The following ARMC2 variants were observed in gnomAD, a reference collection of about 807,000 sequenced individuals.
ARMC2 encodes armadillo repeat containing 2.
Under a neutral mutation model 90.3 loss-of-function variants are expected in ARMC2, and 67 were observed. That is an observed-to-expected ratio of 0.74 (90% CI 0.61 to 0.91). ARMC2 has a LOEUF of 0.91. ARMC2 is among the 40% of genes least tolerant of loss of function. ARMC2 has a pLI of 0.00. For synonymous variants in ARMC2, 393 were observed against 393.0 expected (o/e 1.00, Z 0.00); for missense variants, 920 against 1,030.9 (o/e 0.89, Z 1.47).
the ARMC2 span, chr6:108,986,779 G>GTGTC: frequency 6.6e-6 from 1 of 152,204 alleles, no homozygotes; most frequent in African/African-American, 2.4e-5. Context: ...CTGCCCTCCA[G>GTGTC]TGTCAGGATC....
chr6:108,896,066 A>T (rs1177038584), intron 6 of ARMC2, among the ~76,000 whole-genome samples: 1 of 152,238 alleles, frequency 6.6e-6, no homozygotes, highest in Non-Finnish European at 1.5e-5. Context: ...TTTTATCAAT[A>T]AAATGACTTC....
intron 11 of ARMC2, among the ~76,000 whole-genome samples, chr6:108,935,345 T>C (rs1775870516): frequency 6.6e-6 from 1 of 152,130 alleles, no homozygotes; most frequent in Non-Finnish European, 1.5e-5. Context: ...TTTTCTTCTA[T>C]TTTAGTAAAA....
chr6:108,983,238 T>C, the ARMC2 span, among the ~76,000 whole-genome samples: 1 of 152,242 alleles, frequency 6.6e-6, no homozygotes, highest in Non-Finnish European at 1.5e-5. Context: ...GCCTTTTCAC[T>C]CTGTTGATTA....
intron 12 of ARMC2, 125 bp downstream of exon 12, chr6:108,937,124 A>G (rs1776018959): frequency 2.4e-6 from 2 of 824,332 alleles, no homozygotes; most frequent in South Asian, 3.8e-5. Flanking sequence ...TTAAATGTAT[A>G]ATGGGCTGTC....
intron 3 of ARMC2, among the ~76,000 whole-genome samples, chr6:108,859,563 C>A (rs1774999994): frequency 6.6e-6 from 1 of 152,142 alleles, no homozygotes; most frequent in Non-Finnish European, 1.5e-5. Context: ...CTATTTTTAT[C>A]AATCATGCTG....
At chr6:108,911,163 C>T (rs774468207) in intron 9 of ARMC2, among the ~76,000 whole-genome samples, 162 bp downstream of exon 9, 1 of 152,186 alleles carries the variant, frequency 6.6e-6, no homozygotes, top group Non-Finnish European at 1.5e-5. Flanking sequence ...TCTCTGTTTT[C>T]CACATTCAGT....
At chr6:108,949,119 A>G (rs1244581224) in intron 12 of ARMC2, among the ~76,000 whole-genome samples, 1 of 152,184 alleles carries the variant, frequency 6.6e-6, no homozygotes, top group Non-Finnish European at 1.5e-5. Context: ...CAAAATGCAA[A>G]TATTAATTAA....
At chr6:108,954,974 G>T (rs1372611657) in intron 13 of ARMC2, among the ~76,000 whole-genome samples, 1 of 152,202 alleles carries the variant, frequency 6.6e-6, no homozygotes, top group African/African-American at 2.4e-5. Flanking sequence ...CCTGGCATGT[G>T]GTTGATTGCC....
the ARMC2 span, among the ~76,000 whole-genome samples, chr6:108,999,671 G>T: frequency 6.6e-6 from 1 of 152,122 alleles, no homozygotes; most frequent in Non-Finnish European, 1.5e-5. Flanking sequence ...CTTCATTGCT[G>T]GTGGGAATGC....
the ARMC2 span, among the ~76,000 whole-genome samples, chr6:108,984,898 A>T: frequency 1.3e-5 from 2 of 152,100 alleles, no homozygotes; most frequent in East Asian, 3.9e-4. Flanking sequence ...TAAATGCTGC[A>T]GTTTCCCAAT....
chr6:109,020,985 C>G, the ARMC2 span, among the ~76,000 whole-genome samples: 1 of 152,158 alleles, frequency 6.6e-6, no homozygotes, highest in African/African-American at 2.4e-5. Flanking sequence ...CCTTCACCCA[C>G]CATTTTAGGA....
the ARMC2 span, among the ~76,000 whole-genome samples, chr6:109,035,763 G>A: frequency 6.6e-5 from 10 of 152,060 alleles, no homozygotes; most frequent in African/African-American, 2.4e-4. Flanking sequence ...ACCACACCCA[G>A]CTAATTTATT....
rs1777553041 is a variant in ARMC2 at position 108,881,303 on chromosome 6, TTCCTTCCTTCCTTCAC to T, written c.671+4968_671+4983del. ...CTCCCCTCCCCTCCCCTCCCCTTCC[TTCCTTCCTTCCTTCAC>T]TCCTTCCTTCCTTCCTTCCAACAGG... is the stretch of plus-strand genomic sequence containing the variant. On this transcript the variant is annotated intron_variant, in intron 5 of 17. Coordinates refer to ENST00000392644, the MANE Select transcript of ARMC2 (RefSeq NM_032131.6). 1.6e-5 allele frequency among the ~76,000 whole-genome samples: 2 copies of T among 125,784 alleles called. 1 individual carries two copies. The highest frequency in any genetic ancestry group is 1.7e-4 in the Admixed American group (2 of 11,752). The allele number at this position is 125,784 out of a possible 152,430, so 82.5% of individuals were successfully genotyped here. A position where few individuals can be genotyped will look rare whatever the true frequency, so the allele number is the denominator to read the frequency against.
chr6:108,883,956 G>A (rs1312970664), intron 5 of ARMC2, among the ~76,000 whole-genome samples: 2 of 151,468 alleles, frequency 1.3e-5, no homozygotes, highest in Non-Finnish European at 2.9e-5. Flanking sequence ...GTGGGATCCT[G>A]GATAATTTTT....
In ARMC2 at chr6:108,899,652, C is replaced by G. The variant is rs760935935; in HGVS notation, c.749-42C>G. On this transcript the variant is annotated intron_variant, in intron 6 of 17. Transcript: ENST00000392644. Reference sequence around the variant, plus strand: ...TTTTGACCATGCTTCATGACAACTCCTTTTTCATAGCTTTTTCTCCTGCTC... The same window carrying G: ...TTTTGACCATGCTTCATGACAACTCGTTTTTCATAGCTTTTTCTCCTGCTC... The G allele has an allele frequency of 2.6e-6, 4 of 1,518,094 alleles. No homozygotes were observed. In the Admixed American group the frequency reaches 5.2e-5, roughly 20 times the overall value. 94.0% of individuals were successfully genotyped at this position (1,518,094 alleles called of 1,614,324 possible).
At chr6:109,010,406 T>A in the ARMC2 span, among the ~76,000 whole-genome samples, 1 of 152,322 alleles carries the variant, frequency 6.6e-6, no homozygotes, top group Admixed American at 6.5e-5. Flanking sequence ...TTTTTGCATG[T>A]TTATGCTGTT....
At chr6:108,941,400 A>G (rs139430829) in intron 12 of ARMC2, among the ~76,000 whole-genome samples, 153 of 152,304 alleles carry the variant, frequency 1.0e-3, no homozygotes, top group Middle Eastern at 6.8e-3. Flanking sequence ...CCACTTCACT[A>G]TTATTAAGAA....
intron 7 of ARMC2, among the ~76,000 whole-genome samples, chr6:108,901,359 C>T (rs1772132344): frequency 6.6e-6 from 1 of 151,682 alleles, no homozygotes; most frequent in South Asian, 2.1e-4. Context: ...TTATGATCCA[C>T]CTGCCTTGGC....
intron 7 of ARMC2, among the ~76,000 whole-genome samples, chr6:108,902,976 T>G (rs1193848421): frequency 6.6e-6 from 1 of 152,126 alleles, no homozygotes; most frequent in Non-Finnish European, 1.5e-5. Flanking sequence ...GAGACCAGCC[T>G]GGGCAAAATG....
Sources: gnomAD v4.1 joint callset for allele counts (sites outside exome capture counted in the v4.1 genomes callset) on GRCh38, gnomAD v4.1.1 for gene constraint, MANE v1.5 for transcripts, NCBI Gene and HGNC (gene_info 2026-07-23, HGNC 2026-07-21) for gene names.